The following C5 variants were observed in gnomAD, a reference collection of about 807,000 sequenced individuals.
The protein encoded by C5 is C3 and PZP-like alpha-2-macroglobulin domain-containing protein 4.
Under a neutral mutation model 218.8 loss-of-function variants are expected in C5, and 140 were observed. That is an observed-to-expected ratio of 0.64 (90% CI 0.56 to 0.74). C5 has a LOEUF of 0.74. Ranked by LOEUF, C5 falls within the 30% of genes least tolerant of loss-of-function variation. C5 has a pLI of 0.00. For missense variants in C5, 1,700 were observed against 1,969.6 expected (o/e 0.86, Z 2.59); for synonymous variants, 614 against 682.3 (o/e 0.90, Z 1.56).
intron 30 of C5, among the ~76,000 whole-genome samples, chr9:120,974,226 A>G (rs1233316378): frequency 6.6e-6 from 1 of 152,154 alleles, no homozygotes; most frequent in Non-Finnish European, 1.5e-5. Flanking sequence ...ACCTTTAAAA[A>G]TCCAGCAGTA....
intron 20 of C5, chr9:121,000,108 G>A: frequency 4.5e-6 from 1 of 224,068 alleles, no homozygotes; most frequent in Non-Finnish European, 9.1e-6. Context: ...TTATTGCAAA[G>A]GACATACAAA....
chr9:121,029,288 T>C (rs1411754300), intron 7 of C5, among the ~76,000 whole-genome samples: 2 of 152,190 alleles, frequency 1.3e-5, no homozygotes, highest in Non-Finnish European at 2.9e-5. Flanking sequence ...AAACACTCTA[T>C]TTTTCAAATC....
chr9:120,984,053 A>G (rs531655663), intron 25 of C5, among the ~76,000 whole-genome samples: 9 of 152,310 alleles, frequency 5.9e-5, no homozygotes, highest in Admixed American at 3.9e-4. Flanking sequence ...CTATATTAAT[A>G]CATAAAGTTT....
At chr9:121,014,163 C>T (rs919993124) in intron 16 of C5, 93 bp from the exon 17 acceptor site, 21 of 1,060,854 alleles carry the variant, frequency 2.0e-5, no homozygotes, top group Non-Finnish European at 2.9e-5. Flanking sequence ...GTTTCTGTTG[C>T]TATATGATCC....
intron 33 of C5, 89 bp from the exon 34 acceptor site, chr9:120,963,827 T>A: frequency 2.0e-6 from 2 of 983,564 alleles, no homozygotes; most frequent in Non-Finnish European, 1.6e-6. Flanking sequence ...ACCTTAATTT[T>A]TAAATTTGGG....
chr9:121,049,276 C>A (rs1588003280), intron 1 of C5, among the ~76,000 whole-genome samples: 1 of 152,150 alleles, frequency 6.6e-6, no homozygotes, highest in East Asian at 1.9e-4. Flanking sequence ...CAGGTCCTAG[C>A]CCTAGTTCTG....
chr9:121,047,811 C>T (rs1054974653), intron 1 of C5, among the ~76,000 whole-genome samples: 4 of 152,262 alleles, frequency 2.6e-5, no homozygotes, highest in Middle Eastern at 3.4e-3. Flanking sequence ...AATTCCCCTT[C>T]CCCACATGCC....
intron 12 of C5, among the ~76,000 whole-genome samples, chr9:121,019,216 C>T (rs1188096579): frequency 6.6e-6 from 1 of 151,976 alleles, no homozygotes; most frequent in African/African-American, 2.4e-5. Context: ...GAACTGCATA[C>T]ATGGATTTGG....
At chr9:121,006,103 C>T in intron 19 of C5, 45 bp from the exon 20 acceptor site, 1 of 1,599,584 alleles carries the variant, frequency 6.3e-7, no homozygotes, top group Non-Finnish European at 8.6e-7. Context: ...TTAGGAAATT[C>T]CTATAATGTT....
rs1564128896 is a variant in C5, at chr9:120,953,791, C to T, written c.4840G>A (p.Gly1614Arg). ...VTCTNAELVK[G>R]RQYLIMGKEA... ...TTACCCATAATTAAGTACTGTCTTC[C>T]TTTTACCAGCTCAGCGTTAGTACAG... is the stretch of plus-strand genomic sequence containing the variant. Residue 1614 changes from glycine (G) to arginine (R), a missense_variant, in exon 40 of 41, where the codon GGA (glycine) becomes AGA (arginine). Physicochemically the swap from Gly to Arg is moderately radical, Grantham distance 125. Coordinates refer to ENST00000223642, the MANE Select transcript of C5 (RefSeq NM_001735.3). 1 of 1,613,898 alleles carries T rather than the reference C, an allele frequency of 6.2e-7. No homozygotes were observed. The highest frequency in any genetic ancestry group is 2.2e-5 in the East Asian group (1 of 44,874).
intron 22 of C5, among the ~76,000 whole-genome samples, chr9:120,994,510 G>T (rs1012374852): frequency 6.6e-6 from 1 of 151,984 alleles, no homozygotes; most frequent in Non-Finnish European, 1.5e-5. Flanking sequence ...TTGAAATCAG[G>T]AGGTGGAGGT....
chr9:121,044,451 G>A (rs1341153253), intron 2 of C5, among the ~76,000 whole-genome samples: 1 of 152,090 alleles, frequency 6.6e-6, no homozygotes, highest in African/African-American at 2.4e-5. Flanking sequence ...CTTCCAGCCT[G>A]GGTGACAGAG....
chr9:120,977,097 A>C (rs2046959293), intron 28 of C5, among the ~76,000 whole-genome samples, 192 bp from the exon 29 acceptor site: 1 of 152,204 alleles, frequency 6.6e-6, no homozygotes, highest in African/African-American at 2.4e-5. Flanking sequence ...CACATTGAGC[A>C]TCCCTAATCT....
At chr9:121,074,583 C>T in the C5 span, among the ~76,000 whole-genome samples, 2 of 152,204 alleles carry the variant, frequency 1.3e-5, no homozygotes, top group African/African-American at 4.8e-5. Context: ...TGGGGGAGGC[C>T]GGGGAGGCGC....
intron 10 of C5, among the ~76,000 whole-genome samples, chr9:121,022,609 G>C (rs1300918808): frequency 6.7e-6 from 1 of 149,496 alleles, no homozygotes; most frequent in Non-Finnish European, 1.5e-5. Flanking sequence ...TACTTAAGTT[G>C]ATTTTAAAAA....
chr9:121,073,253 T>C, the C5 span, among the ~76,000 whole-genome samples: 7 of 152,190 alleles, frequency 4.6e-5, no homozygotes, highest in Non-Finnish European at 8.8e-5. Flanking sequence ...CTGAATTACT[T>C]AACATTCAGC....
chr9:121,074,865 G>C, the C5 span: 2 of 456,308 alleles, frequency 4.4e-6, no homozygotes, highest in Non-Finnish European at 8.8e-6. Context: ...AAAGAGGCGG[G>C]AAACGCCTCC....
chr9:121,032,574 A>G (rs2047485561), intron 5 of C5, among the ~76,000 whole-genome samples: 1 of 152,268 alleles, frequency 6.6e-6, no homozygotes, highest in Non-Finnish European at 1.5e-5. Flanking sequence ...CGTCTCTAGA[A>G]ACATATAATA....
chr9:121,051,853 G>C (rs1372472652), upstream of C5, among the ~76,000 whole-genome samples: 2 of 152,186 alleles, frequency 1.3e-5, no homozygotes, highest in African/African-American at 2.4e-5. Flanking sequence ...GGTTGCAAAA[G>C]ATGGGTCAAG....
Sources: allele counts gnomAD v4.1 joint callset (sites outside exome capture counted in the v4.1 genomes callset), GRCh38; gene constraint gnomAD v4.1.1; transcripts MANE v1.5; gene names NCBI Gene and HGNC (gene_info 2026-07-23, HGNC 2026-07-21).